Variants in ZNF385D observed in about 807,000 individuals in gnomAD.
The protein encoded by ZNF385D is zinc finger protein 659.
ZNF385D carries 15 observed loss-of-function variants against 35.8 expected under a neutral mutation model. That is an observed-to-expected ratio of 0.42 (90% CI 0.28 to 0.64). The LOEUF is 0.64. Among genes scored for constraint, ZNF385D ranks in the 30% least tolerant of loss-of-function variants. The probability of loss-of-function intolerance (pLI) is 0.23; values close to 1 mark genes in which losing one functional copy is unlikely to be tolerated. For synonymous variants in ZNF385D, 212 were observed against 186.8 expected (o/e 1.13, Z -1.10); for missense variants, 474 against 494.6 (o/e 0.96, Z 0.39).
chr3:22,305,313 G>A lies in ZNF385D; in HGVS notation c.106+67137C>T, dbSNP rs1366677360. Among the ~76,000 whole-genome samples the A allele has an allele frequency of 3.3e-5, 5 of 151,992 alleles. No individual in the cohort carries two copies. The East Asian group carries it at 5.8e-4, about 18-fold the overall frequency. ...TTCAGATTATTTTTCGTAGCTTCTA[G>A]GTTTTTTAAAAAATTCTTTATTTAA... On this transcript the variant is annotated intron_variant, in intron 2 of 5. Transcript: ENST00000494108.
chr3:22,093,787 G>A (rs573067936), intron 3 of ZNF385D, among the ~76,000 whole-genome samples: 3 of 152,146 alleles, frequency 2.0e-5, no homozygotes, highest in African/African-American at 7.2e-5. Context: ...CAGTTGTTTA[G>A]CATTAGTTCC....
At chr3:21,810,958 ATGTG>A (rs1360142723) in intron 3 of ZNF385D, among the ~76,000 whole-genome samples, 1 of 139,388 alleles carries the variant, frequency 7.2e-6, no homozygotes, top group South Asian at 2.3e-4. Context: ...ACACACACAT[ATGTG>A]TGTGTATACG....
chr3:21,637,084 G>T (rs1275162956), intron 2 of ZNF385D, among the ~76,000 whole-genome samples: 3 of 152,006 alleles, frequency 2.0e-5, no homozygotes, highest in Admixed American at 2.0e-4. Flanking sequence ...CTTTTGCTGT[G>T]CAGAAGCTCT....
rs201162777 is a variant in ZNF385D at position 22,050,383 on chromosome 3, C to G, written c.325+118434G>C. Among the ~76,000 whole-genome samples, 7 of 151,590 alleles carry G rather than the reference C, an allele frequency of 4.6e-5. No individual in the cohort carries two copies. The Admixed American group carries it at 4.6e-4, about 10-fold the overall frequency. On this transcript the variant is annotated intron_variant, in intron 3 of 5. Coordinates refer to the ZNF385D transcript ENST00000494108. ...TCAAAAAAACAAACAAACAAACAAA[C>G]AAAAAAACCACCACCACAACAAGAA... is the stretch of plus-strand genomic sequence containing the variant.
At chr3:22,062,051 T>C (rs1473530536) in intron 3 of ZNF385D, among the ~76,000 whole-genome samples, 2 of 152,116 alleles carry the variant, frequency 1.3e-5, no homozygotes, top group African/African-American at 4.8e-5. Context: ...TTTTAATTTA[T>C]TTTTGAGGCA....
chr3:21,989,816 TTTTTGGCACAAGCTGTGCCAC>T, intron 3 of ZNF385D, among the ~76,000 whole-genome samples: 1 of 152,358 alleles, frequency 6.6e-6, no homozygotes, highest in Middle Eastern at 3.4e-3. Context: ...CTTACTATCT[TTTTTGGCACAAGCTGTGCCAC>T]TTTCACATGT....
chr3:21,692,227 T>G (rs970658059), intron 1 of ZNF385D, among the ~76,000 whole-genome samples: 1 of 152,152 alleles, frequency 6.6e-6, no homozygotes, highest in African/African-American at 2.4e-5. Flanking sequence ...TTTAGGGAGG[T>G]TAAGGAACTT....
chr3:21,972,118 T>A (rs1372990531), intron 3 of ZNF385D, among the ~76,000 whole-genome samples: 1 of 151,966 alleles, frequency 6.6e-6, no homozygotes, highest in Non-Finnish European at 1.5e-5. Flanking sequence ...CCAATATATA[T>A]TTATTATTTT....
chr3:21,733,300 C>T (rs574368520), intron 1 of ZNF385D, among the ~76,000 whole-genome samples: 1 of 152,256 alleles, frequency 6.6e-6, no homozygotes, highest in South Asian at 2.1e-4. Context: ...TTATAGTAAG[C>T]TCTGAAGTAG....
intron 3 of ZNF385D, among the ~76,000 whole-genome samples, chr3:21,924,791 C>T (rs1451897786): frequency 1.3e-5 from 2 of 152,074 alleles, no homozygotes; most frequent in Non-Finnish European, 2.9e-5. Context: ...GGAGCCAGAA[C>T]TCCCCCTCCC....
intron 3 of ZNF385D, among the ~76,000 whole-genome samples, chr3:22,164,247 T>TTTTTTTTTTTTTTTTTG (rs1348547943): frequency 3.2e-5 from 3 of 93,464 alleles, no homozygotes; most frequent in African/African-American, 6.0e-5. Flanking sequence ...TTTTTTTTTT[T>TTTTTTTTTTTTTTTTTG]GAGACGGGGT....
At chr3:22,128,056 G>C (rs1033575549) in intron 3 of ZNF385D, among the ~76,000 whole-genome samples, 2 of 152,148 alleles carry the variant, frequency 1.3e-5, no homozygotes, top group South Asian at 4.1e-4. Context: ...AGCCATTCTT[G>C]TAGGTTATGT....
At chr3:21,713,282 A>G (rs574442269) in intron 1 of ZNF385D, among the ~76,000 whole-genome samples, 2 of 152,190 alleles carry the variant, frequency 1.3e-5, no homozygotes, top group Non-Finnish European at 2.9e-5. Context: ...GCAGACCTGC[A>G]CTTGTCCATA....
chr3:21,684,409 CTCTCTCTCTCTCTCTCTCTCTCCTCT>C, intron 1 of ZNF385D, among the ~76,000 whole-genome samples: 1 of 73,184 alleles, frequency 1.4e-5, no homozygotes, highest in Non-Finnish European at 2.9e-5. Flanking sequence ...TCTCTCCTCT[CTCTCTCTCTCTCTCTCTCTCTCCTCT>C]CTCTCTTTCT....
intron 3 of ZNF385D, among the ~76,000 whole-genome samples, chr3:21,976,638 A>G (rs915011156): frequency 1.3e-5 from 2 of 152,188 alleles, no homozygotes; most frequent in African/African-American, 4.8e-5. Flanking sequence ...CTGTCCATTA[A>G]CTCCAGAATT....
intron 3 of ZNF385D, among the ~76,000 whole-genome samples, chr3:22,089,574 A>G (rs1275378573): frequency 6.6e-6 from 1 of 152,142 alleles, no homozygotes; most frequent in Non-Finnish European, 1.5e-5. Flanking sequence ...AGTAACTCCC[A>G]GGAGAGCTCA....
chr3:21,429,961 T>C (rs1357375922), intron 5 of ZNF385D, among the ~76,000 whole-genome samples: 2 of 152,046 alleles, frequency 1.3e-5, no homozygotes, highest in Non-Finnish European at 2.9e-5. Context: ...TGATATTTGG[T>C]ATAATAGCAT....
chr3:21,422,991 A>G (rs1266441972), intron 7 of ZNF385D, among the ~76,000 whole-genome samples: 2 of 152,122 alleles, frequency 1.3e-5, no homozygotes, highest in Non-Finnish European at 2.9e-5. Context: ...GGCCAGGGCA[A>G]TTGGGCAAGA....
intron 3 of ZNF385D, among the ~76,000 whole-genome samples, chr3:21,883,964 G>T (rs375731218): frequency 6.6e-6 from 1 of 151,918 alleles, no homozygotes; most frequent in Admixed American, 6.6e-5. Context: ...AAAGGGAATC[G>T]GTTTGTGCAC....
Sources: gnomAD v4.1 joint callset for allele counts (sites outside exome capture counted in the v4.1 genomes callset) on GRCh38, gnomAD v4.1.1 for gene constraint, MANE v1.5 for transcripts, NCBI Gene and HGNC (gene_info 2026-07-23, HGNC 2026-07-21) for gene names.